The following CCSER1 variants were observed in gnomAD, a reference collection of about 807,000 sequenced individuals.
CCSER1 encodes coiled-coil serine rich protein 1.
CCSER1 carries 41 observed loss-of-function variants against 82.0 expected under a neutral mutation model. The ratio of observed to expected loss-of-function variants is 0.50; its 90% CI spans 0.39 to 0.65. CCSER1 has a LOEUF of 0.65. Ranked by LOEUF, CCSER1 falls within the 30% of genes least tolerant of loss-of-function variation. The probability of loss-of-function intolerance (pLI) is 0.00; values close to 1 mark genes in which losing one functional copy is unlikely to be tolerated. For synonymous variants in CCSER1, 414 were observed against 383.9 expected, an observed-to-expected ratio of 1.08 and a Z score of -0.92; for missense variants, 1,119 against 1,064.2, an observed-to-expected ratio of 1.05 and a Z score of -0.72.
intron 10 of CCSER1, among the ~76,000 whole-genome samples, chr4:91,336,982 G>A (rs1747365799): frequency 6.6e-6 from 1 of 151,990 alleles, no homozygotes; most frequent in Non-Finnish European, 1.5e-5. Flanking sequence ...AAATACAAAT[G>A]CATATAGAAT....
chr4:90,806,102 T>C (rs1235241050), intron 7 of CCSER1, among the ~76,000 whole-genome samples: 1 of 152,206 alleles, frequency 6.6e-6, no homozygotes, highest in African/African-American at 2.4e-5. Flanking sequence ...TAAATTACTT[T>C]TGCACCAAGC....
At chr4:90,703,030 G>T (rs544529347) in intron 6 of CCSER1, among the ~76,000 whole-genome samples, 198 of 152,170 alleles carry the variant, frequency 1.3e-3, no homozygotes, top group African/African-American at 4.6e-3. Flanking sequence ...GAATGTGTTT[G>T]CTCTTGCTTC....
chr4:91,382,859 T>A (rs1751016326), intron 10 of CCSER1, among the ~76,000 whole-genome samples: 1 of 152,066 alleles, frequency 6.6e-6, no homozygotes, highest in South Asian at 2.1e-4. Context: ...TGCTCCCTTG[T>A]CTTATTTTAA....
At chr4:90,619,198 G>A (rs1227090788) in intron 5 of CCSER1, among the ~76,000 whole-genome samples, 2 of 151,770 alleles carry the variant, frequency 1.3e-5, no homozygotes, top group African/African-American at 2.4e-5. Flanking sequence ...CAGTATCATC[G>A]TGAAATAATT....
At chr4:90,869,206 C>A (rs368174035) in intron 8 of CCSER1, among the ~76,000 whole-genome samples, 3 of 151,756 alleles carry the variant, frequency 2.0e-5, no homozygotes, top group Non-Finnish European at 4.4e-5. Context: ...TAGCATGATG[C>A]GATCCCATTT....
At chr4:90,555,418 A>G (rs1261266604) in intron 5 of CCSER1, among the ~76,000 whole-genome samples, 1 of 152,118 alleles carries the variant, frequency 6.6e-6, no homozygotes, top group Non-Finnish European at 1.5e-5. Context: ...ATCTAAATAT[A>G]ATAAAAAGAT....
At chr4:90,771,339 C>CT (rs978170803) in intron 7 of CCSER1, among the ~76,000 whole-genome samples, 1 of 151,440 alleles carries the variant, frequency 6.6e-6, no homozygotes, top group African/African-American at 2.4e-5. Context: ...CGATAATTAT[C>CT]TTTTTTTAGA....
At chr4:91,396,113 C>A (rs1218901593) in intron 10 of CCSER1, among the ~76,000 whole-genome samples, 1 of 152,078 alleles carries the variant, frequency 6.6e-6, no homozygotes, top group Non-Finnish European at 1.5e-5. Context: ...AAACCAGCTG[C>A]ATTTTAACAC....
At chr4:90,223,102 C>G (rs1033241620) in intron 1 of CCSER1, among the ~76,000 whole-genome samples, 1 of 152,196 alleles carries the variant, frequency 6.6e-6, no homozygotes, top group African/African-American at 2.4e-5. Flanking sequence ...TAACTACACT[C>G]ATCTCCCTTC....
chr4:90,594,190 A>G (rs1783034417), intron 5 of CCSER1, among the ~76,000 whole-genome samples: 1 of 151,952 alleles, frequency 6.6e-6, no homozygotes, highest in Admixed American at 6.6e-5. Context: ...AAGATGTTTT[A>G]TTTTCTCTTT....
At chr4:90,534,441 TTGTGTGTGTGTG>T (rs376987549) in intron 5 of CCSER1, among the ~76,000 whole-genome samples, 4,199 of 136,462 alleles carry the variant, frequency 0.031, 97 homozygotes, top group Non-Finnish European at 0.046. Context: ...TGCCAGCCTT[TTGTGTGTGTGTG>T]TGTGTGTGTG....
intron 8 of CCSER1, among the ~76,000 whole-genome samples, chr4:90,901,910 T>A (rs1025607172): frequency 5.3e-5 from 8 of 152,142 alleles, no homozygotes; most frequent in Admixed American, 2.0e-4. Context: ...TTCTTCTTCC[T>A]CATGAATGCC....
chr4:90,196,709 T>C (rs1224693488), intron 1 of CCSER1, among the ~76,000 whole-genome samples: 1 of 145,198 alleles, frequency 6.9e-6, no homozygotes, highest in African/African-American at 2.6e-5. Flanking sequence ...CATTGTCTTA[T>C]ACATTCTATT....
At chr4:91,459,350 CAT>C (rs371184963) in intron 10 of CCSER1, among the ~76,000 whole-genome samples, 1 of 151,606 alleles carries the variant, frequency 6.6e-6, no homozygotes, top group East Asian at 1.9e-4. Context: ...TGTATACATG[CAT>C]ATATATATAT....
chr4:91,175,316 A>T (rs1487104759), intron 10 of CCSER1, among the ~76,000 whole-genome samples: 2 of 152,174 alleles, frequency 1.3e-5, no homozygotes, highest in African/African-American at 2.4e-5. Flanking sequence ...AGCATGATTT[A>T]TAATCCTTTG....
chr4:90,616,906 G>A (rs72871971), intron 5 of CCSER1, among the ~76,000 whole-genome samples: 11,434 of 152,076 alleles, frequency 0.075, 536 homozygotes, highest in East Asian at 0.17. Flanking sequence ...ATTTCGCCAA[G>A]TGGCTGTCTC....
chr4:90,623,653 C>CCACTACA (rs1472902214), intron 5 of CCSER1, among the ~76,000 whole-genome samples: 22 of 152,124 alleles, frequency 1.4e-4, no homozygotes. Flanking sequence ...GTTCTTATAA[C>CCACTACA]CACTACACTT....
At chr4:91,228,271 A>C (rs1738362263) in intron 10 of CCSER1, among the ~76,000 whole-genome samples, 1 of 152,132 alleles carries the variant, frequency 6.6e-6, no homozygotes, top group Non-Finnish European at 1.5e-5. Context: ...ACTAACAAAC[A>C]CATTTTTCTA....
rs1746052179 is a variant in CCSER1, at chr4:91,319,558, T to C, written c.2217+233564T>C. ...TAAAATATATGAAAAATTGCTATCC[T>C]GTGAAAGAAGTAAAGAATAAGTGTC... On this transcript the variant is annotated intron_variant, in intron 10 of 10. Transcript: ENST00000509176. 9.5e-6 allele frequency: 4 copies of C among 420,382 alleles called. No individual in the cohort carries two copies. In the Admixed American group the frequency reaches 1.1e-4, roughly 11 times the overall value. The allele number at this position is 420,382 out of a possible 1,614,324, so 26.0% of individuals were successfully genotyped here.
Sources: allele counts gnomAD v4.1 joint callset (sites outside exome capture counted in the v4.1 genomes callset), GRCh38; gene constraint gnomAD v4.1.1; transcripts MANE v1.5; gene names NCBI Gene and HGNC (gene_info 2026-07-23, HGNC 2026-07-21).